The following OSBPL3 variants were observed in gnomAD, a reference collection of about 807,000 sequenced individuals.
OSBPL3 encodes the protein oxysterol-binding protein-related protein 3.
In OSBPL3, 65 loss-of-function variants were observed where a neutral mutation model predicts 120.1. That is an observed-to-expected ratio of 0.54 (90% CI 0.44 to 0.67). The LOEUF (loss-of-function observed/expected upper bound fraction) is 0.67. Among genes scored for constraint, OSBPL3 ranks in the 30% least tolerant of loss-of-function variants. The pLI is 0.00. For synonymous variants in OSBPL3, 416 were observed against 402.6 expected, an observed-to-expected ratio of 1.03 and a Z score of -0.40; for missense variants, 1,004 against 1,082.1, an observed-to-expected ratio of 0.93 and a Z score of 1.01.
chr7:24,839,763 T>C (rs1584320796), intron 14 of OSBPL3, among the ~76,000 whole-genome samples: 1 of 151,796 alleles, frequency 6.6e-6, no homozygotes, highest in African/African-American at 2.4e-5. Context: ...CAGAGGCAGG[T>C]AGATCACTTG....
rs1452178003 is a variant in OSBPL3, at chr7:24,841,330, AAT to A, written c.1402-549_1402-548del. On this transcript the variant is annotated intron_variant, in intron 13 of 22. Transcript: ENST00000313367. ...AAAATATAATTATATATTATAAATC[AAT>A]ATGTCAAATTCCATGATTAAAAAAT... 6.6e-5 allele frequency among the ~76,000 whole-genome samples: 10 copies of A among 151,842 alleles called. No homozygotes were observed. The East Asian group carries it at 1.7e-3, about 26-fold the overall frequency.
intron 5 of OSBPL3, 135 bp downstream of exon 5, chr7:24,870,597 T>C (rs1801967020): frequency 1.6e-6 from 1 of 639,776 alleles, no homozygotes; most frequent in East Asian, 2.8e-5. Context: ...ATACCAACAC[T>C]GTACATGAGA....
chr7:24,874,538 A>G (rs910611936), intron 2 of OSBPL3, among the ~76,000 whole-genome samples: 4 of 152,218 alleles, frequency 2.6e-5, no homozygotes, highest in African/African-American at 9.7e-5. Context: ...GAACTATTTC[A>G]AAAATTCCTG....
At position 24,849,259 on chromosome 7, in the gene OSBPL3, T is replaced by A. The variant is rs958522660; in HGVS notation, c.1159-83A>T. ...AGCAGTGGGCCCTGCAGGAGCGATC[T>A]CTAAGAGCTTGATGAAACTCTTAGT... On this transcript the variant is annotated intron_variant, in intron 11 of 22. Coordinates refer to ENST00000313367, the MANE Select transcript of OSBPL3 (RefSeq NM_015550.4). This position sits in a 1 kb window ranked among gnomAD's most constrained non-coding sequence, Gnocchi z 5.4. 2.0e-6 allele frequency: 2 copies of A among 984,346 alleles called. No homozygotes were observed. Among genetic ancestry groups the A allele is most frequent in the African/African-American group, 3.3e-5 (2 of 61,240 alleles). The allele number at this position is 984,346 out of a possible 1,614,324, so 61.0% of individuals were successfully genotyped here.
intron 10 of OSBPL3, among the ~76,000 whole-genome samples, chr7:24,861,023 C>T (rs570812037): frequency 3.4e-4 from 52 of 152,282 alleles, no homozygotes; most frequent in Admixed American, 1.0e-3. Context: ...AGTGGCTACA[C>T]CATTTTACAT....
At chr7:24,865,184 G>C (rs1220203584) in intron 7 of OSBPL3, among the ~76,000 whole-genome samples, 158 bp downstream of exon 7, 1 of 152,222 alleles carries the variant, frequency 6.6e-6, no homozygotes, top group African/African-American at 2.4e-5. Context: ...TGCAAGGAGA[G>C]TGTCTTTTGT....
At chr7:24,979,246 G>T (rs928683063) in intron 1 of OSBPL3, among the ~76,000 whole-genome samples, 1 of 152,022 alleles carries the variant, frequency 6.6e-6, no homozygotes, top group Non-Finnish European at 1.5e-5. Context: ...CGAGAGTTAG[G>T]GTGAGCCTGA....
At position 24,812,202 on chromosome 7, in the gene OSBPL3, G is replaced by A. The variant is rs535670171; in HGVS notation, c.2173-2251C>T. ...GGCACCTGTAATCCCAGCTACTTGGGAGGCTGAGGCACGAGAATCACTTGA... is the reference window on the plus strand; with the variant it reads ...GGCACCTGTAATCCCAGCTACTTGGAAGGCTGAGGCACGAGAATCACTTGA... On this transcript the variant is annotated intron_variant, in intron 19 of 22. Transcript: ENST00000313367. Among the ~76,000 whole-genome samples, 10 of 151,738 alleles carry A rather than the reference G, an allele frequency of 6.6e-5. No individual in the cohort carries two copies. In the South Asian group the frequency reaches 1.0e-3, roughly 16 times the overall value.
At chr7:24,970,881 T>C (rs1245295631) in intron 1 of OSBPL3, among the ~76,000 whole-genome samples, 2 of 152,218 alleles carry the variant, frequency 1.3e-5, no homozygotes, top group Non-Finnish European at 2.9e-5. Context: ...AACAAGTTCC[T>C]AGATGACACT....
intron 1 of OSBPL3, among the ~76,000 whole-genome samples, chr7:24,902,237 ATTTTAC>A (rs1807133336): frequency 6.6e-6 from 1 of 152,100 alleles, no homozygotes; most frequent in African/African-American, 2.4e-5. Context: ...CACAATAGGT[ATTTTAC>A]TCTTTTAATC....
Position 24,881,810 on chromosome 7 carries a change from CA to C in OSBPL3, c.97-9742del, listed in dbSNP as rs1254370104. Among the ~76,000 whole-genome samples, 2 of 152,202 alleles carry C rather than the reference CA, an allele frequency of 1.3e-5. No homozygotes were observed. Among genetic ancestry groups the C allele is most frequent in the Non-Finnish European group, 2.9e-5 (2 of 68,036 alleles). On this transcript the variant is annotated intron_variant, in intron 2 of 22. Transcript: ENST00000313367. This position sits in a 1 kb window ranked among gnomAD's most constrained non-coding sequence, Gnocchi z 4.3. ...GGTCCACGCTCCCTCTGGAGGATCT[CA>C]GGGGGATTCATTCCTTGCTTCTCCC... is the stretch of plus-strand genomic sequence containing the variant.
intron 20 of OSBPL3, among the ~76,000 whole-genome samples, chr7:24,807,207 G>A (rs1356045248): frequency 6.6e-6 from 1 of 152,156 alleles, no homozygotes; most frequent in African/African-American, 2.4e-5. Flanking sequence ...AAATAAACAT[G>A]CTCGGCTGGG....
intron 1 of OSBPL3, among the ~76,000 whole-genome samples, chr7:24,929,480 A>G (rs1811510272): frequency 6.6e-6 from 1 of 152,222 alleles, no homozygotes; most frequent in African/African-American, 2.4e-5. Context: ...TTTACCAAAA[A>G]TATCGCAGTA....
At chr7:24,963,773 G>A (rs1449878231) in intron 1 of OSBPL3, among the ~76,000 whole-genome samples, 2 of 152,234 alleles carry the variant, frequency 1.3e-5, no homozygotes, top group African/African-American at 4.8e-5. Context: ...CATGTGAGGA[G>A]TGGAAACAGA....
intron 22 of OSBPL3, among the ~76,000 whole-genome samples, chr7:24,801,634 AGCCTTCT>A (rs1792371218): frequency 6.6e-6 from 1 of 152,238 alleles, no homozygotes; most frequent in Admixed American, 6.5e-5. Flanking sequence ...GGTCGAATCC[AGCCTTCT>A]GCGTATCTCT....
At chr7:24,981,333 G>C (rs1002175296), upstream of OSBPL3, 17 of 152,190 alleles carry the variant, frequency 1.1e-4, no homozygotes, top group Admixed American at 7.9e-4. This position sits in a 1 kb window ranked among gnomAD's most constrained non-coding sequence, Gnocchi z 7.3. Flanking sequence ...CTCGCACAGA[G>C]CGTTCCAGGC....
At chr7:24,847,206 G>GA (rs1014777482) in intron 12 of OSBPL3, among the ~76,000 whole-genome samples, 4 of 151,938 alleles carry the variant, frequency 2.6e-5, no homozygotes, top group Non-Finnish European at 5.9e-5. Flanking sequence ...GGGAGTTACC[G>GA]AAAAAAAATT....
rs757362100 is a variant in OSBPL3 at position 24,968,249 on chromosome 7, C to A, written c.-150+11637G>T. Among the ~76,000 whole-genome samples, 10 of 152,138 alleles carry A rather than the reference C, an allele frequency of 6.6e-5. No individual in the cohort carries two copies. The highest frequency in any genetic ancestry group is 1.2e-4 in the Non-Finnish European group (8 of 68,022). ...CTGGAAAAACAAAAACAAAAATGTC[C>A]TCATGTGTTATGTTTCCTGATTTCC... is the stretch of plus-strand genomic sequence containing the variant. On this transcript the variant is annotated intron_variant, in intron 1 of 22. Coordinates refer to ENST00000313367, the MANE Select transcript of OSBPL3 (RefSeq NM_015550.4). This position sits in a 1 kb window ranked among gnomAD's most constrained non-coding sequence, Gnocchi z 4.6.
At position 24,865,404 on chromosome 7, in the gene OSBPL3, C is replaced by A; in HGVS notation, c.611G>T (p.Gly204Val). 6.2e-7 allele frequency: 1 copy of A among 1,613,406 alleles called. No homozygotes were observed. The highest frequency in any genetic ancestry group is 8.5e-7 in the Non-Finnish European group (1 of 1,179,336). Residue 204 changes from glycine to valine, a missense_variant, in exon 7 of 23, where the codon GGT becomes GTT. Physicochemically the swap from Gly to Val is moderately radical, Grantham distance 109. Transcript: ENST00000313367. The part of the protein sequence containing the change: ...QTGSNVSFSC[G>V]GETRVPLWLQ... The stretch of plus-strand genomic sequence containing the variant: ...CCATAATGGAACTCGTGTCTCACCA[C>A]CACAAGAAAATGATACATTGCTTCC...
Sources: allele counts gnomAD v4.1 joint callset (sites outside exome capture counted in the v4.1 genomes callset), GRCh38; gene constraint gnomAD v4.1.1; non-coding constraint Gnocchi (gnomAD v3.1); transcripts MANE v1.5; gene names NCBI Gene and HGNC (gene_info 2026-07-23, HGNC 2026-07-21).